The following ZZZ3 variants were observed in gnomAD, a reference collection of about 807,000 sequenced individuals.
ZZZ3 encodes the protein zinc finger ZZ-type containing 3.
In ZZZ3, 22 loss-of-function variants were observed where a neutral mutation model predicts 95.2. That is an observed-to-expected ratio of 0.23 (90% CI 0.17 to 0.33). The LOEUF is 0.33. ZZZ3 is among the 10% of genes least tolerant of loss of function. The probability of loss-of-function intolerance (pLI) is 1.00; values close to 1 mark genes in which losing one functional copy is unlikely to be tolerated. For synonymous variants in ZZZ3, 335 were observed against 358.9 expected (o/e 0.93, Z 0.75); for missense variants, 885 against 1,066.5 (o/e 0.83, Z 2.37).
chr1:77,678,301 G>A (rs569019242), intron 1 of ZZZ3, among the ~76,000 whole-genome samples: 66 of 151,906 alleles, frequency 4.3e-4, no homozygotes, highest in Middle Eastern at 3.4e-3. Context: ...AAGATAAATA[G>A]GTTAAAATAA....
At chr1:77,640,455 C>T (rs999391952) in intron 3 of ZZZ3, among the ~76,000 whole-genome samples, 3 of 151,902 alleles carry the variant, frequency 2.0e-5, no homozygotes, top group African/African-American at 4.8e-5. Context: ...AAAAAATTAG[C>T]TGGGCATGGT....
chr1:77,606,440 GC>G (rs1665242905), intron 5 of ZZZ3, among the ~76,000 whole-genome samples: 1 of 152,184 alleles, frequency 6.6e-6, no homozygotes, highest in Non-Finnish European at 1.5e-5. Context: ...AAGGACACAA[GC>G]CTGGCTGGGG....
intron 4 of ZZZ3, among the ~76,000 whole-genome samples, chr1:77,638,004 T>C (rs956529391): frequency 6.6e-6 from 1 of 152,236 alleles, no homozygotes; most frequent in Non-Finnish European, 1.5e-5. Flanking sequence ...AATTAACATA[T>C]TCATATGGGC....
chr1:77,598,191 G>T (rs1057276971), intron 5 of ZZZ3, among the ~76,000 whole-genome samples: 6 of 151,910 alleles, frequency 3.9e-5, no homozygotes, highest in Non-Finnish European at 7.4e-5. Flanking sequence ...ATAAACAGTC[G>T]ATTAACAGAT....
intron 1 of ZZZ3, among the ~76,000 whole-genome samples, chr1:77,653,266 G>C (rs1669969274): frequency 6.6e-6 from 1 of 152,206 alleles, no homozygotes; most frequent in South Asian, 2.1e-4. Context: ...AGTGATTGCA[G>C]AGACTGTGGG....
intron 1 of ZZZ3, among the ~76,000 whole-genome samples, chr1:77,667,549 T>C (rs868611011): frequency 2.0e-4 from 31 of 152,134 alleles, no homozygotes; most frequent in African/African-American, 7.5e-4. Context: ...CTTACCTCAT[T>C]CCAGCTCTAT....
chr1:77,584,745 C>A, intron 5 of ZZZ3, 90 bp from the exon 6 acceptor site: 1 of 1,066,644 alleles, frequency 9.4e-7, no homozygotes, highest in Non-Finnish European at 1.3e-6. Context: ...ACTATTAAGT[C>A]ACACAGTCTT....
At chr1:77,577,907 C>A (rs1662126669) in intron 11 of ZZZ3, among the ~76,000 whole-genome samples, 1 of 152,164 alleles carries the variant, frequency 6.6e-6, no homozygotes, top group South Asian at 2.1e-4. Context: ...GCGTGAGCCA[C>A]CGTGCCCGGC....
At chr1:77,658,526 TTTC>T (rs200849803) in intron 1 of ZZZ3, among the ~76,000 whole-genome samples, 41,087 of 148,112 alleles carry the variant, frequency 0.28, 7,212 homozygotes, top group Admixed American at 0.41. Flanking sequence ...TTTTTTTTTT[TTTC>T]TTCTTCTTCT....
intron 8 of ZZZ3, among the ~76,000 whole-genome samples, 198 bp from the exon 9 acceptor site, chr1:77,581,267 C>T (rs1385662165): frequency 2.6e-5 from 4 of 152,110 alleles, no homozygotes; most frequent in African/African-American, 9.6e-5. Flanking sequence ...GTTTTATACT[C>T]TCAGCAATCC....
At chr1:77,651,142 A>C (rs1399062738) in intron 1 of ZZZ3, among the ~76,000 whole-genome samples, 1 of 152,136 alleles carries the variant, frequency 6.6e-6, no homozygotes, top group Non-Finnish European at 1.5e-5. Flanking sequence ...CCAGCACTTT[A>C]GGAGGCTGAG....
chr1:77,638,550 A>C (rs569513059), intron 4 of ZZZ3, among the ~76,000 whole-genome samples: 1 of 152,226 alleles, frequency 6.6e-6, no homozygotes, highest in Non-Finnish European at 1.5e-5. Context: ...GACCTTGCCT[A>C]TAAGCTTTTG....
At chr1:77,604,773 C>T (rs9787306) in intron 5 of ZZZ3, among the ~76,000 whole-genome samples, 23,824 of 152,140 alleles carry the variant, frequency 0.16, 2,469 homozygotes, top group East Asian at 0.44. Flanking sequence ...GTGCAAAATA[C>T]ACTTAACCAC....
At chr1:77,653,935 TC>T (rs1420412486) in intron 1 of ZZZ3, among the ~76,000 whole-genome samples, 1 of 152,086 alleles carries the variant, frequency 6.6e-6, no homozygotes, top group African/African-American at 2.4e-5. Flanking sequence ...ACGCCTGTAA[TC>T]CCAGCACTTT....
intron 1 of ZZZ3, among the ~76,000 whole-genome samples, chr1:77,674,279 G>GT (rs1274819987): frequency 6.6e-6 from 1 of 152,136 alleles, no homozygotes; most frequent in Non-Finnish European, 1.5e-5. Flanking sequence ...CAGGTTACTC[G>GT]TATCAGAACA....
chr1:77,641,895 T>C (rs1198946886), intron 1 of ZZZ3, among the ~76,000 whole-genome samples: 1 of 152,210 alleles, frequency 6.6e-6, no homozygotes, highest in African/African-American at 2.4e-5. Flanking sequence ...TTTAATTCCA[T>C]ACTTAAACCC....
intron 5 of ZZZ3, among the ~76,000 whole-genome samples, chr1:77,619,714 A>G (rs1666661566): frequency 6.6e-6 from 1 of 152,182 alleles, no homozygotes; most frequent in Non-Finnish European, 1.5e-5. Context: ...ACCACTAGGT[A>G]ACAAACTCGG....
At chr1:77,616,538 ACT>A (rs1666331549) in intron 5 of ZZZ3, among the ~76,000 whole-genome samples, 2 of 152,080 alleles carry the variant, frequency 1.3e-5, no homozygotes, top group African/African-American at 4.8e-5. Flanking sequence ...CAATTTTCAC[ACT>A]TTTTGCTCTA....
At chr1:77,565,931 T>A (rs922982960) in intron 14 of ZZZ3, 147 bp from the exon 15 acceptor site, 1 of 1,118,734 alleles carries the variant, frequency 8.9e-7, no homozygotes. Flanking sequence ...GTGGTATGAT[T>A]ACAGAAAAAA....
Sources: gnomAD v4.1 joint callset for allele counts (sites outside exome capture counted in the v4.1 genomes callset) on GRCh38, gnomAD v4.1.1 for gene constraint, MANE v1.5 for transcripts, NCBI Gene and HGNC (gene_info 2026-07-23, HGNC 2026-07-21) for gene names.